Variants in AGAP1 observed in about 807,000 individuals in gnomAD.
AGAP1 encodes ArfGAP with GTPase domain, ankyrin repeat and PH domain 1.
A neutral mutation model predicts 105.3 loss-of-function variants in AGAP1; 29 were observed. That is an observed-to-expected ratio of 0.28 (90% CI 0.21 to 0.38). The LOEUF (loss-of-function observed/expected upper bound fraction) is 0.38. AGAP1 is among the 10% of genes least tolerant of loss of function. The probability of loss-of-function intolerance (pLI) is 1.00; values close to 1 mark genes in which losing one functional copy is unlikely to be tolerated. For missense variants in AGAP1, 998 were observed against 1,165.1 expected (o/e 0.86, Z 2.09); for synonymous variants, 509 against 485.9 (o/e 1.05, Z -0.63).
intron 11 of AGAP1, among the ~76,000 whole-genome samples, chr2:235,914,453 A>G (rs1042316370): frequency 5.9e-5 from 9 of 152,098 alleles, no homozygotes; most frequent in South Asian, 2.1e-4. Context: ...GTAAGGAATG[A>G]TAAGTGCTGA....
chr2:236,122,088 A>G (rs2059913592), intron 17 of AGAP1, among the ~76,000 whole-genome samples: 1 of 124,878 alleles, frequency 8.0e-6, no homozygotes, highest in Non-Finnish European at 1.7e-5. Context: ...AGTAATTGGG[A>G]CCACAGGCAT....
rs1946617443 is a variant in AGAP1 at position 235,625,737 on chromosome 2, A to T, written c.164-83442A>T. On this transcript the variant is annotated intron_variant, in intron 1 of 17. Coordinates refer to ENST00000304032, the MANE Select transcript of AGAP1 (RefSeq NM_001037131.3). This position sits in a 1 kb window ranked among gnomAD's most constrained non-coding sequence, Gnocchi z 4.0. ...CTGAAATATATTATGGTTTGTTTGT[A>T]GCTTCAGCTAGTACTTTTCATTGTA... is the stretch of plus-strand genomic sequence containing the variant. Among the ~76,000 whole-genome samples the T allele has an allele frequency of 6.6e-6, 1 of 152,210 alleles. No individual in the cohort carries two copies. Among genetic ancestry groups the T allele is most frequent in the Admixed American group, 6.5e-5 (1 of 15,278 alleles).
chr2:235,614,718 C>T lies in AGAP1; in HGVS notation c.164-94461C>T, dbSNP rs929870651. Among the ~76,000 whole-genome samples, 2 of 152,122 alleles carry T rather than the reference C, an allele frequency of 1.3e-5. No individual in the cohort carries two copies. Among genetic ancestry groups the T allele is most frequent in the East Asian group, 1.9e-4 (1 of 5,188 alleles). ...TTTTTCCACACGCTTAGGGAAGATA[C>T]GAGACTGGCTAACTCAGTATTCACC... is the stretch of plus-strand genomic sequence containing the variant. On this transcript the variant is annotated intron_variant, in intron 1 of 17. Coordinates refer to ENST00000304032, the MANE Select transcript of AGAP1 (RefSeq NM_001037131.3). This position sits in a 1 kb window ranked among gnomAD's most constrained non-coding sequence, Gnocchi z 4.7.
At chr2:235,763,989 T>TGCAGCTGTGACCCGTGC (rs141322604) in intron 6 of AGAP1, among the ~76,000 whole-genome samples, 3 of 142,912 alleles carry the variant, frequency 2.1e-5, no homozygotes, top group East Asian at 2.0e-4. Flanking sequence ...AAGATCTGTG[T>TGCAGCTGTGACCCGTGC]GTGGCTGTGA....
intron 6 of AGAP1, among the ~76,000 whole-genome samples, chr2:235,762,236 C>T (rs1448343338): frequency 2.0e-5 from 3 of 152,076 alleles, no homozygotes; most frequent in Non-Finnish European, 4.4e-5. Context: ...AATTTGTTCA[C>T]TTGATGAAAG....
intron 1 of AGAP1, among the ~76,000 whole-genome samples, chr2:235,707,471 G>GGCCCCCCCCCCCC (rs1559377272): frequency 1.7e-4 from 1 of 5,986 alleles, no homozygotes; most frequent in Non-Finnish European, 5.1e-4. Flanking sequence ...CCCTCCCCAT[G>GGCCCCCCCCCCCC]ACCCCCCCCC....
At chr2:235,669,655 G>T (rs1948264604) in intron 1 of AGAP1, 1 of 139,162 alleles carries the variant, frequency 7.2e-6, no homozygotes, top group Admixed American at 7.6e-5. Context: ...GCCACCCTTC[G>T]GCCGCAGCCG....
rs1387368587 is a variant in AGAP1, at chr2:235,549,555, G to A, written c.163+54706G>A. ...CCTTTTTCACGTACAGAGTTGCATT[G>A]CTCCTCCGTCTTCCGCGTGCCTGTG... On this transcript the variant is annotated intron_variant, in intron 1 of 17. Transcript: ENST00000304032. The surrounding 1 kb of genome is among the most constrained non-coding windows in gnomAD (Gnocchi z 4.2). Among the ~76,000 whole-genome samples the A allele has an allele frequency of 6.6e-6, 1 of 152,136 alleles. No individual in the cohort carries two copies. Among genetic ancestry groups the A allele is most frequent in the Non-Finnish European group, 1.5e-5 (1 of 68,024 alleles).
At chr2:235,847,754 C>T (rs573048403) in intron 9 of AGAP1, among the ~76,000 whole-genome samples, 10 of 152,322 alleles carry the variant, frequency 6.6e-5, no homozygotes, top group Admixed American at 1.3e-4. Context: ...CGACGCCTAA[C>T]GTGTATCTCA....
chr2:236,015,519 T>TC (rs1320362132), intron 13 of AGAP1, among the ~76,000 whole-genome samples: 2 of 152,126 alleles, frequency 1.3e-5, no homozygotes, highest in Admixed American at 1.3e-4. Context: ...ATTGAATTTT[T>TC]CCCCCACCTT....
At chr2:235,666,086 G>A (rs1433632389) in intron 1 of AGAP1, among the ~76,000 whole-genome samples, 6 of 152,124 alleles carry the variant, frequency 3.9e-5, no homozygotes, top group Non-Finnish European at 8.8e-5. Context: ...GTTAGCTAGG[G>A]CTGGCACCTT....
chr2:235,819,412 G>A (rs1196030081), intron 9 of AGAP1, among the ~76,000 whole-genome samples: 1 of 152,112 alleles, frequency 6.6e-6, no homozygotes, highest in African/African-American at 2.4e-5. Flanking sequence ...ACTGCGCCTG[G>A]CAGGAGATTG....
chr2:236,108,219 G>C (rs1053249955), intron 16 of AGAP1, among the ~76,000 whole-genome samples: 1 of 152,202 alleles, frequency 6.6e-6, no homozygotes, highest in South Asian at 2.1e-4. Context: ...GCAGTGGGCC[G>C]GGGTCTTCCC....
rs1201132930 is a variant in AGAP1, at chr2:236,020,545, TG to T, written c.1646-16015del. On this transcript the variant is annotated intron_variant, in intron 13 of 17. Transcript: ENST00000304032. The surrounding 1 kb of genome is among the most constrained non-coding windows in gnomAD (Gnocchi z 5.0). The stretch of plus-strand genomic sequence containing the variant: ...CATCCCCTCTCTGCCACTTCCCAGC[TG>T]TGTGGCTTGGGATGCTTTCCTGGGT... 6.6e-6 allele frequency among the ~76,000 whole-genome samples: 1 copy of T among 152,302 alleles called. No homozygotes were observed. The highest frequency in any genetic ancestry group is 1.9e-4 in the East Asian group (1 of 5,174).
At chr2:235,836,420 A>G (rs1285283856) in intron 9 of AGAP1, among the ~76,000 whole-genome samples, 1 of 152,178 alleles carries the variant, frequency 6.6e-6, no homozygotes, top group Non-Finnish European at 1.5e-5. Context: ...TCCTGTAGGA[A>G]ATGCATCCAC....
At chr2:235,956,843 G>A (rs941100152) in intron 12 of AGAP1, among the ~76,000 whole-genome samples, 31 of 152,220 alleles carry the variant, frequency 2.0e-4, no homozygotes, top group African/African-American at 7.0e-4. Flanking sequence ...GTCTCATGAT[G>A]GCCTTTAGCT....
chr2:235,668,635 A>G (rs1375484800), intron 1 of AGAP1, among the ~76,000 whole-genome samples: 1 of 152,232 alleles, frequency 6.6e-6, no homozygotes, highest in African/African-American at 2.4e-5. Context: ...AGGAACTGAT[A>G]AGTTGATCAT....
At chr2:235,761,108 T>G (rs1954400379) in intron 6 of AGAP1, among the ~76,000 whole-genome samples, 1 of 152,202 alleles carries the variant, frequency 6.6e-6, no homozygotes, top group Admixed American at 6.5e-5. Context: ...TTTGATTCTT[T>G]CAGAAATAAC....
intron 1 of AGAP1, among the ~76,000 whole-genome samples, chr2:235,618,123 C>T (rs148201856): frequency 1.2e-3 from 175 of 152,108 alleles, no homozygotes; most frequent in African/African-American, 2.7e-3. Flanking sequence ...CGGTCTTGGG[C>T]GCGTGCAGTT....
Sources: allele counts gnomAD v4.1 joint callset (sites outside exome capture counted in the v4.1 genomes callset), GRCh38; gene constraint gnomAD v4.1.1; non-coding constraint Gnocchi (gnomAD v3.1); transcripts MANE v1.5; gene names NCBI Gene and HGNC (gene_info 2026-07-23, HGNC 2026-07-21).